Variants in ABHD3 observed in about 807,000 individuals in gnomAD.
ABHD3 encodes the protein phospholipase ABHD3.
ABHD3 carries 46 observed loss-of-function variants against 48.8 expected under a neutral mutation model. The ratio of observed to expected loss-of-function variants is 0.94; its 90% CI spans 0.74 to 1.20. The LOEUF (loss-of-function observed/expected upper bound fraction) is 1.20. Ranked by LOEUF, ABHD3 falls within the 50% of genes most tolerant of loss-of-function variation. ABHD3 has a pLI of 0.00. For synonymous variants in ABHD3, 192 were observed against 183.7 expected (o/e 1.04, Z -0.36); for missense variants, 490 against 497.8 (o/e 0.98, Z 0.15).
At chr18:21,671,558 T>C (rs1748893382) in intron 4 of ABHD3, among the ~76,000 whole-genome samples, 2 of 152,038 alleles carry the variant, frequency 1.3e-5, no homozygotes, top group Non-Finnish European at 2.9e-5. Context: ...GTAGATGAAA[T>C]CACATCTAAT....
intron 3 of ABHD3, among the ~76,000 whole-genome samples, chr18:21,694,782 C>T (rs2040331162): frequency 6.6e-6 from 1 of 152,152 alleles, no homozygotes. Context: ...CATCGCTCTA[C>T]TGAGATTCTC....
At position 21,703,598 on chromosome 18, in the gene ABHD3, CG is replaced by C. The variant is rs1162476130; in HGVS notation, c.311del (p.Pro104ArgfsTer57). ...AATTCACTTACTTCCTGTACTGCACCGGGGGCTTCGAAGTGATGAAAGGTCT... is the reference window on the plus strand; with the variant it reads ...AATTCACTTACTTCCTGTACTGCACCGGGGCTTCGAAGTGATGAAAGGTCT... ...LLRPFITSKP[P>X]VQYRNELIKT... is the part of the protein sequence containing the mutation. On this transcript the variant is annotated frameshift_variant, in exon 2 of 9. Coordinates refer to ENST00000289119, the MANE Select transcript of ABHD3 (RefSeq NM_138340.5). LOFTEE classifies it high-confidence loss of function. The C allele has an allele frequency of 6.2e-7, 1 of 1,612,914 alleles. No homozygotes were observed. The highest frequency in any genetic ancestry group is 1.1e-5 in the South Asian group (1 of 91,050).
intron 2 of ABHD3, 74 bp from the exon 3 acceptor site, chr18:21,702,572 T>C (rs1008475494): frequency 1.4e-4 from 169 of 1,246,964 alleles, no homozygotes; most frequent in Non-Finnish European, 1.8e-4. Context: ...TCTAAACACA[T>C]GACATTATTT....
chr18:21,662,899 C>T (rs1054803833), intron 5 of ABHD3, among the ~76,000 whole-genome samples: 14 of 152,132 alleles, frequency 9.2e-5, no homozygotes, highest in African/African-American at 2.4e-4. Flanking sequence ...AAAAGCCATG[C>T]GTTTATATGA....
In ABHD3 at chr18:21,676,926, T is replaced by C. The variant is rs1394157354; in HGVS notation, c.555+6994A>G. 3.3e-5 allele frequency among the ~76,000 whole-genome samples: 5 copies of C among 152,156 alleles called. 1 individual carries two copies. Among genetic ancestry groups the C allele is most frequent in the East Asian group, 3.9e-4 (2 of 5,190 alleles). On this transcript the variant is annotated intron_variant, in intron 4 of 8. Coordinates refer to ENST00000289119, the MANE Select transcript of ABHD3 (RefSeq NM_138340.5). ...AAAGCTTTATGAGATGTAATTTGCA[T>C]ACCATAATTCATGTAGAAGTCAATG...
At chr18:21,659,842 G>T (rs2039446142) in intron 5 of ABHD3, among the ~76,000 whole-genome samples, 1 of 151,638 alleles carries the variant, frequency 6.6e-6, no homozygotes, top group Non-Finnish European at 1.5e-5. Context: ...GTAATTTTTT[G>T]TATTTTTAGT....
Position 21,703,727 on chromosome 18 carries a change from C to T in ABHD3, c.183G>A (p.Gly61=). 6.2e-7 allele frequency: 1 copy of T among 1,613,902 alleles called. No homozygotes were observed. The highest frequency in any genetic ancestry group is 8.5e-7 in the Non-Finnish European group (1 of 1,179,912). ...GAAGGAAGCGGCTGAAACTCTCACCCCCGGTCACTAACTGGGGTTTCTGAA... is the reference window on the plus strand; with the variant it reads ...GAAGGAAGCGGCTGAAACTCTCACCTCCGGTCACTAACTGGGGTTTCTGAA... ...SIAKKPQLVT[G]GESFSRFLQD... Residue 61 remains glycine (G), a synonymous_variant, in exon 2 of 9, where the codon GGG becomes GGA. Coordinates refer to ENST00000289119, the MANE Select transcript of ABHD3 (RefSeq NM_138340.5).
chr18:21,668,812 G>C (rs2146297411), intron 4 of ABHD3, among the ~76,000 whole-genome samples: 1 of 152,110 alleles, frequency 6.6e-6, no homozygotes, highest in African/African-American at 2.4e-5. Flanking sequence ...TGGATTTCTG[G>C]CACTGCCTTC....
At chr18:21,699,304 T>C (rs181262662) in intron 3 of ABHD3, among the ~76,000 whole-genome samples, 252 of 152,298 alleles carry the variant, frequency 1.7e-3, no homozygotes, top group African/African-American at 5.7e-3. Context: ...CCTTAGAAAG[T>C]GGCAGTTCGA....
Position 21,703,912 on chromosome 18 carries a change from G to C in ABHD3, c.163-165C>G, listed in dbSNP as rs1313468300. The C allele has an allele frequency of 1.1e-4, 75 of 683,802 alleles. No individual in the cohort carries two copies. In the South Asian group the frequency reaches 1.4e-3, roughly 13 times the overall value. 42.4% of individuals were successfully genotyped at this position (683,802 alleles called of 1,614,324 possible). On this transcript the variant is annotated intron_variant, in intron 1 of 8. Coordinates refer to ENST00000289119, the MANE Select transcript of ABHD3 (RefSeq NM_138340.5). ...CACAGTCACAGAGGACTGAAACGGG[G>C]GTTTCGCCAATGCCCCGAGGGGAAG...
intron 3 of ABHD3, among the ~76,000 whole-genome samples, chr18:21,694,060 G>A (rs891858197): frequency 1.3e-5 from 2 of 152,078 alleles, no homozygotes; most frequent in Non-Finnish European, 2.9e-5. Flanking sequence ...ACATTTACTT[G>A]CTACTTCCTC....
chr18:21,668,200 C>CAAAAAAAAAAAAAAAAAAAAAA (rs747590942), intron 4 of ABHD3, among the ~76,000 whole-genome samples: 8 of 61,352 alleles, frequency 1.3e-4, no homozygotes, highest in African/African-American at 3.8e-4. Context: ...GAATCTATCT[C>CAAAAAAAAAAAAAAAAAAAAAA]AAAAAAAAAA....
intron 4 of ABHD3, among the ~76,000 whole-genome samples, chr18:21,669,404 C>A (rs2039707634): frequency 6.6e-6 from 1 of 152,134 alleles, no homozygotes; most frequent in Non-Finnish European, 1.5e-5. Flanking sequence ...TTTCCCCCAA[C>A]CCCAAATGCA....
intron 3 of ABHD3, among the ~76,000 whole-genome samples, chr18:21,690,489 G>A (rs930468623): frequency 2.0e-5 from 3 of 150,628 alleles, no homozygotes; most frequent in Non-Finnish European, 4.4e-5. Context: ...GTAATCCCAG[G>A]TACTCAGGAG....
At chr18:21,664,003 A>T in intron 5 of ABHD3, 115 bp downstream of exon 5, 1 of 1,439,244 alleles carries the variant, frequency 6.9e-7, no homozygotes, top group Non-Finnish European at 9.1e-7. Flanking sequence ...TATGATAAAC[A>T]TAATCAGACA....
At position 21,672,182 on chromosome 18, in the gene ABHD3, ATTCTT is replaced by A. The variant is rs564535506; in HGVS notation, c.556-7957_556-7953del. ...TAGAAAATCTGTTTCAGAATTTAAA[ATTCTT>A]TTCATTAAAAAAACAATTTTTGACC... is the stretch of plus-strand genomic sequence containing the variant. On this transcript the variant is annotated intron_variant, in intron 4 of 8. Transcript: ENST00000289119. Among the ~76,000 whole-genome samples, 34 of 152,268 alleles carry A rather than the reference ATTCTT, an allele frequency of 2.2e-4. No homozygotes were observed. In the South Asian group the frequency reaches 5.6e-3, roughly 25 times the overall value.
At chr18:21,679,551 C>T (rs969155129) in intron 4 of ABHD3, among the ~76,000 whole-genome samples, 2 of 152,090 alleles carry the variant, frequency 1.3e-5, no homozygotes, top group Non-Finnish European at 1.5e-5. Flanking sequence ...TTTTTTGAGA[C>T]GGAGTCTCGC....
intron 4 of ABHD3, among the ~76,000 whole-genome samples, chr18:21,673,149 C>T (rs2039792923): frequency 6.6e-6 from 1 of 152,188 alleles, no homozygotes; most frequent in Non-Finnish European, 1.5e-5. Flanking sequence ...GAGGCTATCA[C>T]ATGCAGGACT....
intron 3 of ABHD3, among the ~76,000 whole-genome samples, chr18:21,687,731 AC>A (rs1454643357): frequency 6.6e-6 from 1 of 152,194 alleles, no homozygotes; most frequent in African/African-American, 2.4e-5. Context: ...TGACAAGATA[AC>A]CCATTAACCA....
Sources: allele counts gnomAD v4.1 joint callset (sites outside exome capture counted in the v4.1 genomes callset), GRCh38; gene constraint gnomAD v4.1.1; transcripts MANE v1.5; gene names NCBI Gene and HGNC (gene_info 2026-07-23, HGNC 2026-07-21).